Variants in CTNNA2 observed in about 807,000 individuals in gnomAD.
The protein encoded by CTNNA2 is catenin alpha-2.
In CTNNA2, 42 loss-of-function variants were observed where a neutral mutation model predicts 101.0. That is an observed-to-expected ratio of 0.42 (90% CI 0.32 to 0.54). The LOEUF (loss-of-function observed/expected upper bound fraction) is 0.54. CTNNA2 is among the 20% of genes least tolerant of loss of function. The pLI is 0.14. For missense variants in CTNNA2, 871 were observed against 1,223.1 expected (o/e 0.71, Z 4.29); for synonymous variants, 450 against 456.4 (o/e 0.99, Z 0.18).
intron 2 of CTNNA2, among the ~76,000 whole-genome samples, chr2:79,720,707 G>C (rs953467971): frequency 5.3e-5 from 8 of 152,076 alleles, no homozygotes; most frequent in Non-Finnish European, 1.0e-4. Flanking sequence ...TTGGTATATA[G>C]AAATGCTACT....
intron 7 of CTNNA2, among the ~76,000 whole-genome samples, chr2:80,363,905 C>G (rs1419700577): frequency 6.6e-6 from 1 of 152,110 alleles, no homozygotes; most frequent in Non-Finnish European, 1.5e-5. Flanking sequence ...CTGTTCAATT[C>G]CCATTCCTGT....
intron 2 of CTNNA2, among the ~76,000 whole-genome samples, chr2:79,271,396 A>T (rs904436236): frequency 6.6e-6 from 1 of 152,084 alleles, no homozygotes; most frequent in Non-Finnish European, 1.5e-5. Flanking sequence ...CAGATAAGGA[A>T]AACAGAATTC....
intron 4 of CTNNA2, among the ~76,000 whole-genome samples, chr2:79,490,299 G>T (rs2104563976): frequency 6.6e-6 from 1 of 152,272 alleles, no homozygotes; most frequent in South Asian, 2.1e-4. Context: ...TGTCTTTGCT[G>T]TGGATAATTC....
At chr2:79,636,681 A>C (rs994644106) in intron 1 of CTNNA2, among the ~76,000 whole-genome samples, 8 of 152,188 alleles carry the variant, frequency 5.3e-5, no homozygotes, top group African/African-American at 1.4e-4. Context: ...TAAATGTATA[A>C]GGTGAAAAAT....
chr2:79,243,713 A>G (rs1160248271), intron 2 of CTNNA2, among the ~76,000 whole-genome samples: 1 of 152,224 alleles, frequency 6.6e-6, no homozygotes, highest in African/African-American at 2.4e-5. Context: ...ACTGAGGATC[A>G]GGAAAAGTCT....
Position 79,818,193 on chromosome 2 carries a change from C to G in CTNNA2, c.299-39820C>G, listed in dbSNP as rs184651605. ...TTTTTTTGGAAGAAGGAAGTTTGCT[C>G]TTTGTTCACTTTCATATTATTCATT... On this transcript the variant is annotated intron_variant, in intron 3 of 18. Coordinates refer to ENST00000402739, the MANE Select transcript of CTNNA2 (RefSeq NM_001282597.3). Among the ~76,000 whole-genome samples the G allele has an allele frequency of 2.7e-3, 416 of 152,230 alleles. 2 individuals are homozygous for G. Among genetic ancestry groups the G allele is most frequent in the African/African-American group, 9.6e-3 (399 of 41,548 alleles).
intron 7 of CTNNA2, among the ~76,000 whole-genome samples, chr2:80,173,280 G>A (rs764862493): frequency 6.6e-6 from 1 of 152,104 alleles, no homozygotes; most frequent in Non-Finnish European, 1.5e-5. Context: ...ACACTTATTG[G>A]ATGAGTGAAA....
At chr2:79,271,164 T>C (rs1353749430) in intron 2 of CTNNA2, among the ~76,000 whole-genome samples, 1 of 151,854 alleles carries the variant, frequency 6.6e-6, no homozygotes, top group African/African-American at 2.4e-5. Context: ...TATTCTCCCT[T>C]TGGCGATTCT....
chr2:79,620,889 A>C (rs1040726619), intron 1 of CTNNA2, among the ~76,000 whole-genome samples: 2 of 152,246 alleles, frequency 1.3e-5, no homozygotes, highest in Non-Finnish European at 2.9e-5. Flanking sequence ...AGCGTTAAAA[A>C]TTAACCTTTG....
intron 1 of CTNNA2, among the ~76,000 whole-genome samples, chr2:79,533,680 G>T (rs1421469638): frequency 5.3e-5 from 8 of 152,122 alleles, no homozygotes; most frequent in African/African-American, 1.7e-4. Context: ...AGCACCTATT[G>T]TGGGATACTA....
chr2:79,684,109 A>G (rs1308559852), intron 2 of CTNNA2, among the ~76,000 whole-genome samples: 1 of 152,206 alleles, frequency 6.6e-6, no homozygotes, highest in Non-Finnish European at 1.5e-5. Context: ...CAGGATAATG[A>G]ACAATTAAGA....
chr2:79,823,350 C>G (rs1018026295), intron 3 of CTNNA2, among the ~76,000 whole-genome samples: 1 of 152,156 alleles, frequency 6.6e-6, no homozygotes, highest in African/African-American at 2.4e-5. Flanking sequence ...TGATTACAAA[C>G]TGTTTAAGAG....
chr2:79,445,297 G>T (rs1487051651), intron 4 of CTNNA2, among the ~76,000 whole-genome samples: 1 of 152,120 alleles, frequency 6.6e-6, no homozygotes, highest in Non-Finnish European at 1.5e-5. Flanking sequence ...TTTTCAAGAT[G>T]CATTGTCTTC....
intron 9 of CTNNA2, among the ~76,000 whole-genome samples, chr2:80,438,198 C>T (rs1682215844): frequency 6.6e-6 from 1 of 152,160 alleles, no homozygotes; most frequent in Non-Finnish European, 1.5e-5. Flanking sequence ...TCTATGCTCG[C>T]ACATCCCTAG....
At chr2:79,691,364 G>T (rs1684286065) in intron 2 of CTNNA2, among the ~76,000 whole-genome samples, 1 of 151,844 alleles carries the variant, frequency 6.6e-6, no homozygotes, top group African/African-American at 2.4e-5. Flanking sequence ...TACTCATTTA[G>T]TGGATACCAT....
intron 9 of CTNNA2, among the ~76,000 whole-genome samples, chr2:80,505,128 AGAAT>A (rs1437317387): frequency 1.3e-5 from 2 of 152,220 alleles, no homozygotes; most frequent in African/African-American, 4.8e-5. Flanking sequence ...TTGGAGAATA[AGAAT>A]GAATGAATGA....
chr2:80,108,653 G>C (rs1701029131), intron 7 of CTNNA2, among the ~76,000 whole-genome samples: 1 of 152,120 alleles, frequency 6.6e-6, no homozygotes, highest in South Asian at 2.1e-4. Context: ...GATAAAGTAG[G>C]CTGCACAATC....
At chr2:80,165,901 G>A (rs1239894950) in intron 7 of CTNNA2, among the ~76,000 whole-genome samples, 1 of 152,178 alleles carries the variant, frequency 6.6e-6, no homozygotes, top group Non-Finnish European at 1.5e-5. Flanking sequence ...AAGGGTGGAA[G>A]TCTCAGCTCC....
chr2:80,426,974 G>A (rs1393019614), intron 9 of CTNNA2, among the ~76,000 whole-genome samples: 1 of 151,846 alleles, frequency 6.6e-6, no homozygotes, highest in East Asian at 1.9e-4. Flanking sequence ...TTTACTTTAG[G>A]ATTGTAACCA....
Sources: allele counts gnomAD v4.1 joint callset (sites outside exome capture counted in the v4.1 genomes callset), GRCh38; gene constraint gnomAD v4.1.1; transcripts MANE v1.5; gene names NCBI Gene and HGNC (gene_info 2026-07-23, HGNC 2026-07-21).